CDH13: variants seen among roughly 807,000 people sequenced by gnomAD.
The protein encoded by CDH13 is cadherin 13.
CDH13 carries 24 observed loss-of-function variants against 63.8 expected under a neutral mutation model. The observed-to-expected ratio is 0.38, with a 90% CI of 0.27 to 0.53. The LOEUF (loss-of-function observed/expected upper bound fraction) is 0.53. Ranked by LOEUF, CDH13 falls within the 20% of genes least tolerant of loss-of-function variation. The pLI is 0.85. For missense variants in CDH13, 1,049 were observed against 903.1 expected, an observed-to-expected ratio of 1.16 and a Z score of -2.07; for synonymous variants, 503 against 355.3, an observed-to-expected ratio of 1.42 and a Z score of -4.67.
chr16:82,872,837 A>G (rs2040390728), intron 2 of CDH13, among the ~76,000 whole-genome samples: 1 of 152,206 alleles, frequency 6.6e-6, no homozygotes, highest in Non-Finnish European at 1.5e-5. Context: ...GAAACACTGA[A>G]TGATCACCTA....
At chr16:83,257,949 ATAT>A (rs1185010817) in intron 5 of CDH13, among the ~76,000 whole-genome samples, 12 of 152,126 alleles carry the variant, frequency 7.9e-5, no homozygotes, top group African/African-American at 2.9e-4. Context: ...TGACTTTTTA[ATAT>A]TAGTCATTCT....
In CDH13 at chr16:83,518,518, G is replaced by C. The variant is rs183132350; in HGVS notation, c.960+31863G>C. ...GACGGAGTCTGGCTCTGTCTCCCAGGCTGGAGTGCAGTGGTGCAATGTTGG... is the reference window on the plus strand; with the variant it reads ...GACGGAGTCTGGCTCTGTCTCCCAGCCTGGAGTGCAGTGGTGCAATGTTGG... On this transcript the variant is annotated intron_variant, in intron 7 of 13. Coordinates refer to ENST00000567109, the MANE Select transcript of CDH13 (RefSeq NM_001257.5). Among the ~76,000 whole-genome samples, 537 of 149,388 alleles carry C rather than the reference G, an allele frequency of 3.6e-3. 1 individual carries two copies. The highest frequency in any genetic ancestry group is 6.1e-3 in the Non-Finnish European group (412 of 67,544).
At chr16:83,635,756 G>A (rs1456561810) in intron 8 of CDH13, among the ~76,000 whole-genome samples, 1 of 151,874 alleles carries the variant, frequency 6.6e-6, no homozygotes, top group African/African-American at 2.4e-5. Flanking sequence ...TCTGTGGCTT[G>A]TCTGTTCGTT....
intron 1 of CDH13, among the ~76,000 whole-genome samples, chr16:82,733,909 G>A (rs2033532656): frequency 6.6e-6 from 1 of 152,198 alleles, no homozygotes; most frequent in Non-Finnish European, 1.5e-5. Context: ...CTTTGCTTAG[G>A]AACACAAAGC....
intron 6 of CDH13, among the ~76,000 whole-genome samples, chr16:83,358,893 T>C (rs2091106400): frequency 6.6e-6 from 1 of 152,128 alleles, no homozygotes; most frequent in South Asian, 2.1e-4. Flanking sequence ...CTTAGTGTAG[T>C]TATTTTGATT....
At chr16:83,149,207 A>G (rs2036872723) in intron 4 of CDH13, among the ~76,000 whole-genome samples, 1 of 152,226 alleles carries the variant, frequency 6.6e-6, no homozygotes. Flanking sequence ...TTCATAGTAA[A>G]TCATGCTAAT....
At chr16:83,081,324 C>T (rs1288437084) in intron 3 of CDH13, among the ~76,000 whole-genome samples, 4 of 152,114 alleles carry the variant, frequency 2.6e-5, no homozygotes, top group African/African-American at 9.7e-5. Context: ...GTCTATATTT[C>T]AGAGGCCTAC....
At chr16:82,749,652 C>T (rs376708468) in intron 1 of CDH13, among the ~76,000 whole-genome samples, 1 of 152,186 alleles carries the variant, frequency 6.6e-6, no homozygotes, top group East Asian at 1.9e-4. Context: ...TTCTGAGTTT[C>T]CATTGCATTA....
rs545665559 is a variant in CDH13 at position 83,567,009 on chromosome 16, T to C, written c.961-35445T>C. ...GAGATTTACCATCTGCCATTCCCTG[T>C]GTGTCATACAGTTCTAGGCTCTGTG... On this transcript the variant is annotated intron_variant, in intron 7 of 13. Coordinates refer to ENST00000567109, the MANE Select transcript of CDH13 (RefSeq NM_001257.5). Among the ~76,000 whole-genome samples the C allele has an allele frequency of 1.4e-4, 21 of 152,334 alleles. No individual in the cohort carries two copies. The East Asian group carries it at 3.9e-3, about 28-fold the overall frequency.
rs147117148 is a variant in CDH13, at chr16:83,291,026, C to T, written c.637-53836C>T. Among the ~76,000 whole-genome samples, 486 of 152,254 alleles carry T rather than the reference C, an allele frequency of 3.2e-3. 1 individual carries two copies. The highest frequency in any genetic ancestry group is 0.011 in the African/African-American group (456 of 41,538). Reference sequence around the variant, plus strand: ...CACTCATGCAGCATGTCACGCAGACCTTTGTTAAAGGTCTTATCAAATGGT... The same window carrying T: ...CACTCATGCAGCATGTCACGCAGACTTTTGTTAAAGGTCTTATCAAATGGT... On this transcript the variant is annotated intron_variant, in intron 5 of 13. Transcript: ENST00000567109.
intron 2 of CDH13, among the ~76,000 whole-genome samples, chr16:82,941,730 C>G (rs1232792597): frequency 1.3e-5 from 2 of 152,158 alleles, no homozygotes; most frequent in African/African-American, 2.4e-5. Context: ...CTTTTTCCAT[C>G]CCTGTTCCCA....
intron 8 of CDH13, among the ~76,000 whole-genome samples, chr16:83,623,848 A>T (rs1910032437): frequency 6.6e-6 from 1 of 152,200 alleles, no homozygotes; most frequent in Admixed American, 6.5e-5. Context: ...TGAAAAGACA[A>T]ATCAGTTAGC....
At chr16:83,565,257 C>T (rs1295260404) in intron 7 of CDH13, among the ~76,000 whole-genome samples, 1 of 152,130 alleles carries the variant, frequency 6.6e-6, no homozygotes, top group Non-Finnish European at 1.5e-5. Context: ...ACCCCAGACT[C>T]CTACTGGATG....
intron 3 of CDH13, among the ~76,000 whole-genome samples, chr16:83,096,095 C>T (rs1178694490): frequency 2.0e-5 from 3 of 152,090 alleles, no homozygotes; most frequent in Admixed American, 6.5e-5. Context: ...TCAAGAACTC[C>T]GTATGTGAAT....
At chr16:83,157,019 T>C (rs113478659) in intron 4 of CDH13, among the ~76,000 whole-genome samples, 1 of 152,186 alleles carries the variant, frequency 6.6e-6, no homozygotes, top group Non-Finnish European at 1.5e-5. Flanking sequence ...TTTCTTATTA[T>C]ATTTTCCAAA....
intron 7 of CDH13, among the ~76,000 whole-genome samples, chr16:83,515,588 G>A (rs1485416276): frequency 6.6e-6 from 1 of 152,184 alleles, no homozygotes; most frequent in East Asian, 1.9e-4. Flanking sequence ...AATTGCCCCA[G>A]CTGTCAAAGT....
intron 6 of CDH13, among the ~76,000 whole-genome samples, chr16:83,352,657 G>C (rs1416323893): frequency 6.6e-6 from 1 of 152,188 alleles, no homozygotes; most frequent in Non-Finnish European, 1.5e-5. Context: ...TAGGGAGGGT[G>C]AGGCAGGTGG....
At chr16:83,443,705 G>GAAAAAAAAAA (rs1167862979) in intron 6 of CDH13, among the ~76,000 whole-genome samples, 1 of 107,120 alleles carries the variant, frequency 9.3e-6, no homozygotes, top group African/African-American at 4.2e-5. Flanking sequence ...AAGTCCCTAC[G>GAAAAAAAAAA]AAAAAAAAAA....
At chr16:83,408,635 A>G (rs1032266) in intron 6 of CDH13, among the ~76,000 whole-genome samples, 151,685 of 152,348 alleles carry the variant, frequency 1, 75,520 homozygotes, top group Middle Eastern at 1. Context: ...TATGTGGCCC[A>G]TCATTGACTG....
Sources: gnomAD v4.1 joint callset for allele counts (sites outside exome capture counted in the v4.1 genomes callset) on GRCh38, gnomAD v4.1.1 for gene constraint, MANE v1.5 for transcripts, NCBI Gene and HGNC (gene_info 2026-07-23, HGNC 2026-07-21) for gene names.